The following RPAP1 variants were observed in gnomAD, a reference collection of about 807,000 sequenced individuals.
RPAP1 encodes RNA polymerase II associated protein 1.
In RPAP1, 109 loss-of-function variants were observed where a neutral mutation model predicts 142.4. That is an observed-to-expected ratio of 0.77 (90% CI 0.66 to 0.90). The LOEUF is 0.90. Ranked by LOEUF, RPAP1 falls within the 40% of genes least tolerant of loss-of-function variation. The pLI, the probability that RPAP1 is intolerant of heterozygous loss-of-function variation, is 0.00. For missense variants in RPAP1, 1,546 were observed against 1,751.7 expected, an observed-to-expected ratio of 0.88 and a Z score of 2.10; for synonymous variants, 704 against 738.9, an observed-to-expected ratio of 0.95 and a Z score of 0.77.
chr15:41,529,550 T>C lies in RPAP1; in HGVS notation c.1078A>G (p.Ser360Gly). 1 of 1,612,900 alleles carries C rather than the reference T, an allele frequency of 6.2e-7. No homozygotes were observed. Among genetic ancestry groups the C allele is most frequent in the Non-Finnish European group, 8.5e-7 (1 of 1,179,338 alleles). Reference sequence around the variant, plus strand: ...GGGGCCAGTAGTTCTCCCTGAAGACTGAATCGAGCCTGCATCCTCTAATGG... The same window carrying C: ...GGGGCCAGTAGTTCTCCCTGAAGACCGAATCGAGCCTGCATCCTCTAATGG... The part of the protein sequence containing the change: ...QTQERMQARF[S>G]LQGELLAPDV... Residue 360 changes from serine to glycine, a missense_variant, in exon 9 of 25, where the codon AGT becomes GGT. This residue lies in a region of RPAP1 where 1,333 missense variants were observed against 1,486.6 expected (regional missense o/e 0.90). Transcript: ENST00000304330.
In RPAP1 at chr15:41,517,857, C is replaced by A. The variant is rs770534408; in HGVS notation, c.3973G>T (p.Asp1325Tyr). 1.9e-6 allele frequency: 3 copies of A among 1,614,152 alleles called. No homozygotes were observed. The highest frequency in any genetic ancestry group is 2.2e-5 in the South Asian group (2 of 91,078). The part of the protein sequence containing the change: ...FIFSQDPQSS[D>Y]EVKAARRSML... The stretch of plus-strand genomic sequence containing the variant: ...CTCCTGCGGGCAGCTTTGACCTCAT[C>A]CTAGAAGCAGAACAGGGAGAGGTGG... Residue 1325 changes from aspartate (D) to tyrosine (Y), a missense_variant and splice_region_variant, in exon 24 of 25, where the codon GAT becomes TAT. Physicochemically the swap from Asp to Tyr is radical, Grantham distance 160. This residue lies in a region of RPAP1 where 210 missense variants were observed against 248.0 expected (regional missense o/e 0.85). Coordinates refer to ENST00000304330, the MANE Select transcript of RPAP1 (RefSeq NM_015540.4).
At chr15:41,527,839 C>G in intron 11 of RPAP1, 21 bp downstream of exon 11, 1 of 1,613,802 alleles carries the variant, frequency 6.2e-7, no homozygotes, top group Non-Finnish European at 8.5e-7. Context: ...AGCCCAAGCC[C>G]CATTCCTATC....
chr15:41,519,436 C>T (rs1054906943), intron 22 of RPAP1, among the ~76,000 whole-genome samples: 1 of 151,880 alleles, frequency 6.6e-6, no homozygotes, highest in Admixed American at 6.6e-5. Context: ...GTCTCAAACT[C>T]TTGACCTCAA....
In RPAP1 at chr15:41,520,880, G is replaced by C. The variant is rs779783518; in HGVS notation, c.3306C>G (p.Pro1102=). The C allele has an allele frequency of 6.2e-7, 1 of 1,613,722 alleles. No individual in the cohort carries two copies. Among genetic ancestry groups the C allele is most frequent in the East Asian group, 2.2e-5 (1 of 44,888 alleles). The change falls in exon 22 of 25, where the codon CCC becomes CCG. Residue 1102 remains proline (P), a synonymous_variant. Coordinates refer to ENST00000304330, the MANE Select transcript of RPAP1 (RefSeq NM_015540.4). ...PTEPLLPTDW[P]FLPLIRLYHR... ...GGTAGAGGCGAATCAGTGGCAGGAA[G>C]GGCCAGTCGGTGGGCAGCAGCGGCT...
chr15:41,517,529 T>C lies in RPAP1; in HGVS notation c.*13A>G, dbSNP rs368849793. The C allele has an allele frequency of 3.9e-6, 6 of 1,531,858 alleles. No individual in the cohort carries two copies. Among genetic ancestry groups the C allele is most frequent in the Non-Finnish European group, 5.3e-6 (6 of 1,139,516 alleles). 94.9% of individuals were successfully genotyped at this position (1,531,858 alleles called of 1,614,324 possible). On this transcript the variant is annotated 3_prime_UTR_variant, in exon 25 of 25. Transcript: ENST00000304330. Reference sequence around the variant, plus strand: ...AGGACAACGTACCCATCTTTCCATCTATATCAACTATCCTAGGTCTCTGAT... The same window carrying C: ...AGGACAACGTACCCATCTTTCCATCCATATCAACTATCCTAGGTCTCTGAT...
At chr15:41,528,101 C>G in intron 10 of RPAP1, 74 bp from the exon 11 acceptor site, 1 of 1,559,700 alleles carries the variant, frequency 6.4e-7, no homozygotes, top group Non-Finnish European at 8.7e-7. Flanking sequence ...CCTTCGTTTG[C>G]CCCCCTATGA....
At position 41,517,674 on chromosome 15, in the gene RPAP1, G is replaced by T. The variant is rs755482342; in HGVS notation, c.4050C>A (p.Leu1350=). Residue 1350 remains leucine, a synonymous_variant, in exon 25 of 25, where the codon CTC becomes CTA. Transcript: ENST00000304330. Reference sequence around the variant, plus strand: ...TGGAATTGGGAAGCTTATAGTGCAGGAGGTGCTGCCGGAGACCCTGCAGAA... The same window carrying T: ...TGGAATTGGGAAGCTTATAGTGCAGTAGGTGCTGCCGGAGACCCTGCAGAA... ...LLADEGLRQH[L]LHYKLPNSTL... 10 of 1,612,706 alleles carry T rather than the reference G, an allele frequency of 6.2e-6. No individual in the cohort carries two copies. Among genetic ancestry groups the T allele is most frequent in the Non-Finnish European group, 7.6e-6 (9 of 1,179,106 alleles).
intron 16 of RPAP1, 47 bp downstream of exon 16, chr15:41,524,049 T>G (rs747882285): frequency 6.2e-7 from 1 of 1,600,846 alleles, no homozygotes; most frequent in East Asian, 2.2e-5. Context: ...ACCCCAGCCC[T>G]GTGGAGGAGC....
intron 6 of RPAP1, among the ~76,000 whole-genome samples, chr15:41,534,137 G>A (rs936609857): frequency 2.0e-5 from 3 of 149,516 alleles, no homozygotes; most frequent in Non-Finnish European, 4.4e-5. Context: ...AAAAAAAAAG[G>A]CCGGGCATGG....
intron 14 of RPAP1, among the ~76,000 whole-genome samples, chr15:41,525,605 G>T (rs991290118): frequency 1.3e-5 from 2 of 151,696 alleles, no homozygotes; most frequent in Non-Finnish European, 2.9e-5. Flanking sequence ...CCAAAACGTT[G>T]GGATTACAGG....
intron 1 of RPAP1, among the ~76,000 whole-genome samples, chr15:41,537,462 CA>C (rs1389195830): frequency 6.6e-6 from 1 of 152,152 alleles, no homozygotes; most frequent in Non-Finnish European, 1.5e-5. Flanking sequence ...AAAATGTCAT[CA>C]GGGGCCGAGC....
rs397956859 is a variant in RPAP1, at chr15:41,524,473, C to CTT, written c.2076-221_2076-220dup. Among the ~76,000 whole-genome samples the CTT allele has an allele frequency of 1.6e-3, 207 of 127,960 alleles. 2 individuals carry two copies. The highest frequency in any genetic ancestry group is 0.012 in the East Asian group (53 of 4,518). 83.9% of individuals were successfully genotyped at this position (127,960 alleles called of 152,430 possible). A position where few individuals can be genotyped will look rare whatever the true frequency, so the allele number is the denominator to read the frequency against. On this transcript the variant is annotated intron_variant, in intron 15 of 24. Transcript: ENST00000304330. ...AAATGTGATTTCACAGATACCAATG[C>CTT]TTTTTTTTTTTTTTTTTTGAGACAT...
rs1462546726 is a variant in RPAP1, at chr15:41,536,619, G to T, written c.212C>A (p.Pro71His). The T allele has an allele frequency of 6.2e-7, 1 of 1,613,916 alleles. No homozygotes were observed. Among genetic ancestry groups the T allele is most frequent in the Non-Finnish European group, 8.5e-7 (1 of 1,180,036 alleles). The change falls in exon 3 of 25, where the codon CCT becomes CAT. Residue 71 changes from proline (P) to histidine (H), a missense_variant. By Grantham distance (77) the Pro-to-His change is moderately conservative. This residue lies in a region of RPAP1 where 1,333 missense variants were observed against 1,486.6 expected (regional missense o/e 0.90). Coordinates refer to ENST00000304330, the MANE Select transcript of RPAP1 (RefSeq NM_015540.4). The part of the protein sequence containing the change: ...NLPDLPPALV[P>H]SPPKRARPSP... ...GGGCCTGGCTCTCTTTGGAGGAGAA[G>T]GGACCAAAGCTGGGGGCAAATCTGG...
Position 41,517,471 on chromosome 15 carries a change from G to T in RPAP1, c.*71C>A. The T allele has an allele frequency of 7.3e-7, 1 of 1,371,490 alleles. No individual in the cohort carries two copies. Among genetic ancestry groups the T allele is most frequent in the Non-Finnish European group, 9.9e-7 (1 of 1,010,186 alleles). 85.0% of individuals were successfully genotyped at this position (1,371,490 alleles called of 1,614,324 possible). A position where few individuals can be genotyped will look rare whatever the true frequency, so the allele number is the denominator to read the frequency against. ...CTACCATTAGGACACAATGTTCTTC[G>T]TCTGGCCAGACATCTGTTGAAAGGC... is the stretch of plus-strand genomic sequence containing the variant. On this transcript the variant is annotated 3_prime_UTR_variant, in exon 25 of 25. Coordinates refer to ENST00000304330, the MANE Select transcript of RPAP1 (RefSeq NM_015540.4).
chr15:41,536,091 C>T (rs1471734158), intron 4 of RPAP1, 38 bp downstream of exon 4: 1 of 1,489,324 alleles, frequency 6.7e-7, no homozygotes, highest in Non-Finnish European at 9.4e-7. Flanking sequence ...ACTCACCTGT[C>T]TGTCTCCTGA....
rs757882320 is a variant in RPAP1, at chr15:41,523,888, C to G, written c.2319G>C (p.Pro773=). ...GCAACTTCAAGGTCTGCCTTAGACA[C>G]GGCTCAACAAGAGGCTGGAGCCCAG... ...QVSGLQPLVE[P]CLRQTLKLLS... Residue 773 remains proline (P), a synonymous_variant, in exon 17 of 25, where the codon CCG becomes CCC. Transcript: ENST00000304330. 6.2e-7 allele frequency: 1 copy of G among 1,607,742 alleles called. No homozygotes were observed. Among genetic ancestry groups the G allele is most frequent in the South Asian group, 1.1e-5 (1 of 89,966 alleles).
Position 41,527,963 on chromosome 15 carries a change from C to T in RPAP1, c.1325G>A (p.Gly442Asp), listed in dbSNP as rs1239157763. ...GSVLSLLLDA[G>D]FLFLLRFSLD... ...GGAGAAGCGCAGTAGGAAGAGGAAA[C>T]CAGCATCCAAAAGGAGGCTTAAGAC... The change falls in exon 11 of 25, where the codon GGT becomes GAT. Residue 442 changes from glycine (G) to aspartate (D), a missense_variant. This residue lies in a region of RPAP1 where 1,333 missense variants were observed against 1,486.6 expected (regional missense o/e 0.90). Transcript: ENST00000304330. The T allele has an allele frequency of 1.9e-6, 3 of 1,614,124 alleles. No individual in the cohort carries two copies. The highest frequency in any genetic ancestry group is 2.5e-6 in the Non-Finnish European group (3 of 1,180,016).
chr15:41,539,273 ATTTTTGTTTTTT>A (rs1257114999), intron 1 of RPAP1, among the ~76,000 whole-genome samples: 1 of 149,662 alleles, frequency 6.7e-6, no homozygotes, highest in East Asian at 2.0e-4. Flanking sequence ...CACTCAGCTA[ATTTTTGTTTTTT>A]TTTTTGTTTT....
Position 41,527,779 on chromosome 15 carries a change from T to C in RPAP1, c.1428+81A>G, listed in dbSNP as rs1036212293. The C allele has an allele frequency of 3.7e-5, 58 of 1,560,990 alleles. No individual in the cohort carries two copies. In the African/African-American group the frequency reaches 7.7e-4, roughly 21 times the overall value. On this transcript the variant is annotated intron_variant, in intron 11 of 24. Transcript: ENST00000304330. The stretch of plus-strand genomic sequence containing the variant: ...ATTCTACATCTTGCCCGCAAAGCCT[T>C]AGCAATGGGGCCATGCCCAGGAACA...
Sources: allele counts gnomAD v4.1 joint callset (sites outside exome capture counted in the v4.1 genomes callset), GRCh38; gene constraint gnomAD v4.1.1; regional missense constraint gnomAD v4.1.1; transcripts MANE v1.5; gene names NCBI Gene and HGNC (gene_info 2026-07-23, HGNC 2026-07-21).